Variants in PCDHA5 observed in about 807,000 individuals in gnomAD.
The protein encoded by PCDHA5 is protocadherin alpha 5, also known as protocadherin alpha-5.
In PCDHA5, 43 loss-of-function variants were observed where a neutral mutation model predicts 61.6. The observed-to-expected ratio is 0.70, with a 90% CI of 0.55 to 0.90. PCDHA5 has a LOEUF of 0.90. Ranked by LOEUF, PCDHA5 falls within the 40% of genes least tolerant of loss-of-function variation. The probability of loss-of-function intolerance (pLI) is 0.00; values close to 1 mark genes in which losing one functional copy is unlikely to be tolerated. For synonymous variants in PCDHA5, 627 were observed against 543.9 expected (o/e 1.15, Z -2.13); for missense variants, 1,298 against 1,222.7 (o/e 1.06, Z -0.92).
intron 3 of PCDHA5, 123 bp from the exon 4 acceptor site, chr5:141,009,504 A>G: frequency 1.3e-6 from 2 of 1,497,074 alleles, no homozygotes; most frequent in Non-Finnish European, 1.8e-6. Flanking sequence ...ACTTGAACAA[A>G]CAACTCGTGA....
At chr5:140,850,677 A>G (rs2150493410) in intron 1 of PCDHA5, 1 of 1,598,454 alleles carries the variant, frequency 6.3e-7, no homozygotes. Flanking sequence ...GGCGATGCCC[A>G]CCGAGGGCGA....
At chr5:141,000,103 G>A (rs551643743) in intron 3 of PCDHA5, among the ~76,000 whole-genome samples, 15 of 152,186 alleles carry the variant, frequency 9.9e-5, no homozygotes, top group Admixed American at 5.2e-4. Context: ...GCTCAACTCC[G>A]TCTCTTCCCT....
At chr5:140,838,854 C>T (rs1775911734) in intron 1 of PCDHA5, among the ~76,000 whole-genome samples, 1 of 151,798 alleles carries the variant, frequency 6.6e-6, no homozygotes, top group African/African-American at 2.4e-5. Flanking sequence ...CCAGGGAGGT[C>T]CAAGCTGCAG....
rs71583613 is a variant in PCDHA5 at position 141,001,265 on chromosome 5, T to G, written c.2501-8362T>G. 5.1e-4 allele frequency among the ~76,000 whole-genome samples: 78 copies of G among 152,286 alleles called. No individual in the cohort carries two copies. In the Middle Eastern group the frequency reaches 0.01, roughly 20 times the overall value. On this transcript the variant is annotated intron_variant, in intron 3 of 3. Transcript: ENST00000529859. ...CAACCCTATGGGGCGGGCACTCTTATGAACTTTTTTTACGGATGAAAACTG... is the reference window on the plus strand; with the variant it reads ...CAACCCTATGGGGCGGGCACTCTTAGGAACTTTTTTTACGGATGAAAACTG...
intron 1 of PCDHA5, chr5:140,852,582 A>ATTTT (rs527656692): frequency 1.2e-5 from 8 of 693,586 alleles, no homozygotes; most frequent in Non-Finnish European, 1.4e-5. Flanking sequence ...AGGCTTTTTT[A>ATTTT]TTTTTTTTTT....
chr5:140,870,334 G>T lies in PCDHA5; in HGVS notation c.2352+46207G>T, dbSNP rs180868237. The T allele has an allele frequency of 3.1e-6, 5 of 1,614,166 alleles. No individual in the cohort carries two copies. The highest frequency in any genetic ancestry group is 1.7e-5 in the Admixed American group (1 of 60,020). ...TTACTACTCGTTGGTGCTGGACAGCGCCCTGGACCGCGAGAACGTGTGGGC... is the reference window on the plus strand; with the variant it reads ...TTACTACTCGTTGGTGCTGGACAGCTCCCTGGACCGCGAGAACGTGTGGGC... On this transcript the variant is annotated intron_variant, in intron 1 of 3. Transcript: ENST00000529859.
chr5:140,823,082 C>T lies in PCDHA5; in HGVS notation c.1307C>T (p.Ala436Val), dbSNP rs1171267979. The T allele has an allele frequency of 4.3e-6, 7 of 1,613,782 alleles. No individual in the cohort carries two copies. The African/African-American group carries it at 8.0e-5, about 18-fold the overall frequency. The change falls in exon 1 of 4, where the codon GCC (alanine) becomes GTC (valine). Residue 436 changes from alanine (A) to valine (V), a missense_variant. Coordinates refer to ENST00000529859, the MANE Select transcript of PCDHA5 (RefSeq NM_018908.3). ...GACGGGGGCTCGCCTTCGCTGTGGG[C>T]CACCGCCAGCGTGTCTGTGGAAGTG... ...ARDGGSPSLW[A>V]TASVSVEVAD...
intron 1 of PCDHA5, among the ~76,000 whole-genome samples, chr5:140,908,266 C>T (rs1281456045): frequency 1.3e-5 from 2 of 152,144 alleles, no homozygotes; most frequent in African/African-American, 4.8e-5. Context: ...AGGGAACTCC[C>T]CATGAGGCCA....
intron 1 of PCDHA5, among the ~76,000 whole-genome samples, chr5:140,833,594 G>T (rs2150209670): frequency 4.6e-5 from 7 of 152,162 alleles, no homozygotes; most frequent in Non-Finnish European, 7.4e-5. Context: ...AGTATATATA[G>T]ATTCTGCTAA....
chr5:141,002,598 C>T (rs2098087385), intron 3 of PCDHA5, among the ~76,000 whole-genome samples: 1 of 152,212 alleles, frequency 6.6e-6, no homozygotes, highest in Admixed American at 6.5e-5. Flanking sequence ...GTCCCCTCAT[C>T]TATAAAACAG....
chr5:140,915,132 AGAGAC>A (rs1406752818), intron 1 of PCDHA5, among the ~76,000 whole-genome samples: 1 of 151,994 alleles, frequency 6.6e-6, no homozygotes, highest in Non-Finnish European at 1.5e-5. Flanking sequence ...TATTTTTAGT[AGAGAC>A]GGGGTTTCAC....
At chr5:140,967,809 A>G in intron 1 of PCDHA5, 1 of 1,614,190 alleles carries the variant, frequency 6.2e-7, no homozygotes. Flanking sequence ...ATGGCAGGTC[A>G]CTGCAAGGTG....
In PCDHA5 at chr5:140,823,326, C is replaced by A. The variant is rs2150124741; in HGVS notation, c.1551C>A (p.Tyr517Ter). ...VSVHAESGKV[Y>*]ALQPLDHEEV... Reference sequence around the variant, plus strand: ...TGCACGCGGAGAGCGGCAAGGTGTACGCGCTGCAGCCGCTGGACCACGAGG... The same window carrying A: ...TGCACGCGGAGAGCGGCAAGGTGTAAGCGCTGCAGCCGCTGGACCACGAGG... Residue 517 changes from tyrosine (Y) to a stop codon, truncating the protein, a stop_gained, in exon 1 of 4, where the codon TAC (tyrosine) becomes TAA (stop). Coordinates refer to ENST00000529859, the MANE Select transcript of PCDHA5 (RefSeq NM_018908.3). LOFTEE classifies it high-confidence loss of function. 3 of 1,612,172 alleles carry A rather than the reference C, an allele frequency of 1.9e-6. No homozygotes were observed. Among genetic ancestry groups the A allele is most frequent in the Admixed American group, 3.3e-5 (2 of 60,010 alleles).
intron 1 of PCDHA5, among the ~76,000 whole-genome samples, chr5:140,945,463 A>G (rs1554216960): frequency 6.6e-6 from 1 of 152,166 alleles, no homozygotes; most frequent in African/African-American, 2.4e-5. Flanking sequence ...TAAAATTTGC[A>G]TGGAACCACA....
intron 1 of PCDHA5, among the ~76,000 whole-genome samples, chr5:140,952,252 A>T (rs1230858145): frequency 6.6e-6 from 1 of 151,034 alleles, no homozygotes; most frequent in Admixed American, 6.6e-5. Context: ...CTGCTGGTGG[A>T]TTCCCATTCT....
rs139860906 is a variant in PCDHA5, at chr5:140,989,355, C to T, written c.2500+6792C>T. On this transcript the variant is annotated intron_variant, in intron 3 of 3. Transcript: ENST00000529859. Reference sequence around the variant, plus strand: ...CTGACTCAGCTCAAAGGTGATAGGTCACCTGTGTGACTGAGAGCTTTGTGG... The same window carrying T: ...CTGACTCAGCTCAAAGGTGATAGGTTACCTGTGTGACTGAGAGCTTTGTGG... Among the ~76,000 whole-genome samples the T allele has an allele frequency of 1.6e-4, 25 of 152,258 alleles. No individual in the cohort carries two copies. In the East Asian group the frequency reaches 4.4e-3, roughly 27 times the overall value.
In PCDHA5 at chr5:140,851,512, GT is replaced by G. The variant is rs1354131042; in HGVS notation, c.2352+27389del. On this transcript the variant is annotated intron_variant, in intron 1 of 3. Coordinates refer to ENST00000529859, the MANE Select transcript of PCDHA5 (RefSeq NM_018908.3). ...CTTCATTTCAACTTATATAAAATAT[GT>G]TTTAAAATGCCTGACAATGTAGATA... The G allele has an allele frequency of 1.0e-5, 9 of 903,444 alleles. 1 individual carries two copies. The highest frequency in any genetic ancestry group is 1.8e-5 in the African/African-American group (1 of 55,438). 56.0% of individuals were successfully genotyped at this position (903,444 alleles called of 1,614,324 possible). A position where few individuals can be genotyped will look rare whatever the true frequency, so the allele number is the denominator to read the frequency against.
chr5:140,823,553 T>C lies in PCDHA5; in HGVS notation c.1778T>C (p.Val593Ala), dbSNP rs2150126826. The C allele has an allele frequency of 5.6e-6, 9 of 1,613,782 alleles. No homozygotes were observed. Among genetic ancestry groups the C allele is most frequent in the Non-Finnish European group, 6.8e-6 (8 of 1,179,888 alleles). The change falls in exon 1 of 4, where the codon GTG becomes GCG. Residue 593 changes from valine to alanine, a missense_variant. Coordinates refer to ENST00000529859, the MANE Select transcript of PCDHA5 (RefSeq NM_018908.3). ...SVGAGHVVAK[V>A]RAVDPDSGYN... Reference sequence around the variant, plus strand: ...GGTGCGGGCCACGTGGTGGCGAAGGTGCGCGCAGTGGACCCTGATTCGGGC... The same window carrying C: ...GGTGCGGGCCACGTGGTGGCGAAGGCGCGCGCAGTGGACCCTGATTCGGGC...
chr5:140,955,030 A>T (rs1453200706), intron 1 of PCDHA5, among the ~76,000 whole-genome samples: 2 of 152,312 alleles, frequency 1.3e-5, no homozygotes, highest in African/African-American at 4.8e-5. Context: ...TTAAATAGGG[A>T]ATCTTTTCCT....
Sources: gnomAD v4.1 joint callset for allele counts (sites outside exome capture counted in the v4.1 genomes callset) on GRCh38, gnomAD v4.1.1 for gene constraint, MANE v1.5 for transcripts, NCBI Gene and HGNC (gene_info 2026-07-23, HGNC 2026-07-21) for gene names.